Variants in MYBPC3 observed in about 807,000 individuals in gnomAD.
MYBPC3 encodes the protein myosin binding protein C3.
In MYBPC3, 108 loss-of-function variants were observed where a neutral mutation model predicts 159.3. That is an observed-to-expected ratio of 0.68 (90% confidence interval 0.58 to 0.80). The LOEUF is 0.80. Ranked by LOEUF, MYBPC3 falls within the 30% of genes least tolerant of loss-of-function variation. The pLI, the probability that MYBPC3 is intolerant of heterozygous loss-of-function variation, is 0.00. For missense variants in MYBPC3, 1,631 were observed against 1,762.1 expected, an observed-to-expected ratio of 0.93 and a Z score of 1.33; for synonymous variants, 730 against 702.0, an observed-to-expected ratio of 1.04 and a Z score of -0.63.
chr11:47,351,291 T>C lies in MYBPC3; in HGVS notation c.240A>G (p.Ala80=), dbSNP rs770089112. 3.1e-5 allele frequency: 48 copies of C among 1,566,864 alleles called. No homozygotes were observed. Among genetic ancestry groups the C allele is most frequent in the Non-Finnish European group, 4.2e-5 (48 of 1,154,234 alleles). Residue 80 remains alanine (A), a synonymous_variant, in exon 2 of 35, where the codon GCA becomes GCG. Coordinates refer to ENST00000545968, the MANE Select transcript of MYBPC3 (RefSeq NM_000256.3). The surrounding 1 kb of genome is among the most constrained non-coding windows in gnomAD (Gnocchi z 4.2). ...TGACCTTGGAGGAGCCAGCAATGAC[T>C]GCGTAAGATCCCTGGTCGGCAGGGC... ...EVGPADQGSY[A]VIAGSSKVKF... is the part of the protein sequence containing the mutation.
At chr11:47,348,282 C>T (rs775044314) in intron 6 of MYBPC3, 142 bp downstream of exon 6, 63 of 671,942 alleles carry the variant, frequency 9.4e-5, no homozygotes, top group Non-Finnish European at 1.5e-4. Flanking sequence ...TTCTCTCACA[C>T]CCTGTGTGTG....
At position 47,350,073 on chromosome 11, in the gene MYBPC3, G is replaced by T. The variant is rs779493486; in HGVS notation, c.446C>A (p.Ala149Asp). 3.2e-6 allele frequency: 5 copies of T among 1,561,962 alleles called. No homozygotes were observed. Among genetic ancestry groups the T allele is most frequent in the Admixed American group, 1.9e-5 (1 of 52,466 alleles). ...GAAGAGGCCAATGGGGTCATCGGGG[G>T]CTCCAGGGGTAGGACCATTGAGAGC... Reference protein sequence around the residue: ...SAALNGPTPGAPDDPIGLFVM... With the variant: ...SAALNGPTPGDPDDPIGLFVM... The change falls in exon 4 of 35, where the codon GCC becomes GAC. Residue 149 changes from alanine (A) to aspartate (D), a missense_variant. Ala to Asp is a moderately radical substitution (Grantham distance 126). Coordinates refer to ENST00000545968, the MANE Select transcript of MYBPC3 (RefSeq NM_000256.3).
At chr11:47,344,897 T>C (rs1231457134) in intron 12 of MYBPC3, among the ~76,000 whole-genome samples, 1 of 152,132 alleles carries the variant, frequency 6.6e-6, no homozygotes, top group Admixed American at 6.5e-5. Flanking sequence ...TTCAAGTGAT[T>C]CTCCTGCCTC....
intron 17 of MYBPC3, 37 bp from the exon 18 acceptor site, chr11:47,342,193 T>G: frequency 6.2e-7 from 1 of 1,604,114 alleles, no homozygotes; most frequent in South Asian, 1.1e-5. Context: ...CTCGGGAGGG[T>G]GTGTGGGTGT....
At chr11:47,341,290 C>T in intron 18 of MYBPC3, 46 bp from the exon 19 acceptor site, 1 of 1,451,876 alleles carries the variant, frequency 6.9e-7, no homozygotes, top group Non-Finnish European at 9.4e-7. Context: ...GCCACACACC[C>T]CTGGCCTTGC....
chr11:47,347,237 G>T (rs1287409310), intron 9 of MYBPC3, 189 bp downstream of exon 9: 2 of 985,274 alleles, frequency 2.0e-6, no homozygotes, highest in African/African-American at 3.5e-5. Flanking sequence ...GAGGATGACT[G>T]TTGACGGGAC....
At chr11:47,342,965 G>C in intron 15 of MYBPC3, 30 bp from the exon 16 acceptor site, 1 of 1,611,448 alleles carries the variant, frequency 6.2e-7, no homozygotes, top group Non-Finnish European at 8.5e-7. Flanking sequence ...ATGAGGGTTG[G>C]CTCCCCTGAG....
chr11:47,341,097 G>T (rs766891449), intron 19 of MYBPC3, 41 bp downstream of exon 19: 4 of 1,564,176 alleles, frequency 2.6e-6, no homozygotes, highest in Non-Finnish European at 3.5e-6. Context: ...GGGGCTCCTG[G>T]CCCCACTGCC....
Position 47,332,751 on chromosome 11 carries a change from C to T in MYBPC3, c.3491-49G>A. 1 of 1,585,172 alleles carries T rather than the reference C, an allele frequency of 6.3e-7. No homozygotes were observed. ...CGAGAGGGCCACACAAAGCTAGGCC[C>T]CTCTCCCTGTTCCCACAGCCTCCCT... On this transcript the variant is annotated intron_variant, in intron 31 of 34. Transcript: ENST00000545968. The surrounding 1 kb of genome is among the most constrained non-coding windows in gnomAD (Gnocchi z 4.2).
intron 12 of MYBPC3, among the ~76,000 whole-genome samples, chr11:47,344,879 C>G (rs563640463): frequency 6.6e-6 from 1 of 152,338 alleles, no homozygotes; most frequent in South Asian, 2.1e-4. Flanking sequence ...CAACCTCTGC[C>G]TCCCGGGTTC....
chr11:47,347,076 G>A, intron 9 of MYBPC3, 47 bp from the exon 10 acceptor site: 1 of 884,172 alleles, frequency 1.1e-6, no homozygotes, highest in Non-Finnish European at 1.9e-6. Flanking sequence ...GGGGGAGAGG[G>A]AGAGAGAGGG....
chr11:47,339,833 G>A (rs1328398686), intron 20 of MYBPC3, 43 bp from the exon 21 acceptor site: 3 of 1,600,506 alleles, frequency 1.9e-6, no homozygotes, highest in African/African-American at 2.7e-5. Flanking sequence ...GGAGAGCCAG[G>A]AGGAGCACAG....
intron 22 of MYBPC3, 41 bp downstream of exon 22, chr11:47,339,283 G>T: frequency 6.2e-7 from 1 of 1,602,980 alleles, no homozygotes; most frequent in South Asian, 1.1e-5. Flanking sequence ...AGAAAGTGAT[G>T]AAAGACAAAC....
Position 47,333,198 on chromosome 11 carries a change from G to T in MYBPC3, c.3326C>A (p.Thr1109Asn), listed in dbSNP as rs397516016. ...GYTVQKADKKTMEWFTVLEHY... is the reference protein window; with the variant it reads ...GYTVQKADKKNMEWFTVLEHY... ...GACCCCAGACCCTGGGCTCACCATG[G>T]TCTTCTTGTCGGCTTTCTGCACTGT... The change falls in exon 30 of 35, where the codon ACC becomes AAC. Residue 1109 changes from threonine to asparagine, a missense_variant. By Grantham distance (65) the Thr-to-Asn change is moderately conservative. Transcript: ENST00000545968. 2 of 1,602,382 alleles carry T rather than the reference G, an allele frequency of 1.2e-6. No homozygotes were observed. The highest frequency in any genetic ancestry group is 1.7e-6 in the Non-Finnish European group (2 of 1,174,422).
At chr11:47,350,453 G>C in intron 3 of MYBPC3, 49 bp downstream of exon 3, 1 of 1,540,646 alleles carries the variant, frequency 6.5e-7, no homozygotes, top group Non-Finnish European at 8.7e-7. Context: ...ACCTGCCCTG[G>C]ACACGCCCTA....
intron 6 of MYBPC3, among the ~76,000 whole-genome samples, chr11:47,348,152 T>A (rs950901952): frequency 6.6e-6 from 1 of 151,920 alleles, no homozygotes; most frequent in African/African-American, 2.4e-5. Context: ...GCCCAAACAT[T>A]CAGACAGTGC....
chr11:47,333,635 C>G lies in MYBPC3; in HGVS notation c.3112G>C (p.Val1038Leu). The G allele has an allele frequency of 6.2e-7, 1 of 1,607,720 alleles. No individual in the cohort carries two copies. Among genetic ancestry groups the G allele is most frequent in the Non-Finnish European group, 8.5e-7 (1 of 1,179,816 alleles). ...TILFIRAARR[V>L]HSGTYQVTVR... ...GTCACCTGGTAAGTGCCTGAATGCA[C>G]GCGGCGAGCGGCCCGGATGAACAGG... The change falls in exon 29 of 35, where the codon GTG (valine) becomes CTG (leucine). Residue 1038 changes from valine (V) to leucine (L), a missense_variant. Transcript: ENST00000545968.
At chr11:47,347,002 C>T (rs753268188) in intron 10 of MYBPC3, 25 bp downstream of exon 10, 11 of 780,212 alleles carry the variant, frequency 1.4e-5, no homozygotes, top group East Asian at 7.3e-5. Flanking sequence ...CTGCCGCCCC[C>T]AAACACCCAG....
Position 47,337,813 on chromosome 11 carries a change from A to G in MYBPC3, c.2309-19T>C. The G allele has an allele frequency of 6.5e-7, 1 of 1,546,934 alleles. No individual in the cohort carries two copies. The highest frequency in any genetic ancestry group is 8.7e-7 in the Non-Finnish European group (1 of 1,144,748). On this transcript the variant is annotated intron_variant, in intron 23 of 34. Coordinates refer to ENST00000545968, the MANE Select transcript of MYBPC3 (RefSeq NM_000256.3). ...GGCACGTCTGGATGGGGTGGGATGG[A>G]CCCACATCAGCCCTGCCCCGCTCAG...
Sources: allele counts gnomAD v4.1 joint callset (sites outside exome capture counted in the v4.1 genomes callset), GRCh38; gene constraint gnomAD v4.1.1; non-coding constraint Gnocchi (gnomAD v3.1); transcripts MANE v1.5; gene names NCBI Gene and HGNC (gene_info 2026-07-23, HGNC 2026-07-21).